KCTD8: variants seen among roughly 807,000 people sequenced by gnomAD.
The protein encoded by KCTD8 is potassium channel tetramerization domain containing 8.
In KCTD8, 27 loss-of-function variants were observed where a neutral mutation model predicts 31.5. That is an observed-to-expected ratio of 0.86 (90% CI 0.63 to 1.18). The LOEUF is 1.18. KCTD8 is among the 50% of genes most tolerant of loss of function. KCTD8 has a pLI of 0.00. For synonymous variants in KCTD8, 290 were observed against 280.0 expected, an observed-to-expected ratio of 1.04 and a Z score of -0.36; for missense variants, 658 against 647.7, an observed-to-expected ratio of 1.02 and a Z score of -0.17.
chr4:44,286,990 T>C (rs185371960), intron 1 of KCTD8, among the ~76,000 whole-genome samples: 1 of 152,270 alleles, frequency 6.6e-6, no homozygotes, highest in African/African-American at 2.4e-5. Context: ...GCAGATGGTG[T>C]TATTATTTAC....
intron 1 of KCTD8, among the ~76,000 whole-genome samples, chr4:44,353,131 T>C (rs1719256369): frequency 6.6e-6 from 1 of 152,090 alleles, no homozygotes; most frequent in African/African-American, 2.4e-5. Context: ...ATTTCTGCCC[T>C]TCTGGCCACA....
intron 1 of KCTD8, among the ~76,000 whole-genome samples, chr4:44,360,683 C>T (rs1460165662): frequency 1.3e-5 from 2 of 151,904 alleles, no homozygotes; most frequent in Admixed American, 1.3e-4. Flanking sequence ...TCAAGAGATG[C>T]TTTCTAAAAA....
At chr4:44,243,387 C>G (rs187038370) in intron 1 of KCTD8, among the ~76,000 whole-genome samples, 1 of 152,314 alleles carries the variant, frequency 6.6e-6, no homozygotes, top group Middle Eastern at 3.4e-3. Context: ...CACCAACTTA[C>G]AGTACACCAT....
chr4:44,310,659 G>A (rs192722054), intron 1 of KCTD8, among the ~76,000 whole-genome samples: 13 of 152,050 alleles, frequency 8.5e-5, no homozygotes, highest in Non-Finnish European at 1.0e-4. Context: ...GATCAGATTC[G>A]TGAGTAAACC....
chr4:44,410,716 C>T (rs904612432), intron 1 of KCTD8, among the ~76,000 whole-genome samples: 6 of 152,072 alleles, frequency 3.9e-5, no homozygotes, highest in African/African-American at 1.2e-4. Context: ...AGGAGGAAAA[C>T]TCCCCCTTAT....
intron 1 of KCTD8, among the ~76,000 whole-genome samples, chr4:44,341,926 C>T (rs1456107430): frequency 6.6e-6 from 1 of 152,138 alleles, no homozygotes; most frequent in East Asian, 1.9e-4. Context: ...GCAGCTATAG[C>T]CTTAGGAAAT....
intron 1 of KCTD8, among the ~76,000 whole-genome samples, chr4:44,238,116 G>A (rs1016153864): frequency 1.3e-5 from 2 of 151,792 alleles, no homozygotes; most frequent in African/African-American, 2.4e-5. Context: ...TATGCTCTTC[G>A]GTTACTCAAA....
intron 1 of KCTD8, among the ~76,000 whole-genome samples, chr4:44,385,163 T>C (rs545882291): frequency 7.9e-4 from 120 of 151,836 alleles, no homozygotes; most frequent in Non-Finnish European, 1.3e-3. Flanking sequence ...GTAGACACTT[T>C]AATGCAATGA....
intron 1 of KCTD8, among the ~76,000 whole-genome samples, chr4:44,321,812 A>G (rs1718303996): frequency 6.6e-6 from 1 of 152,048 alleles, no homozygotes; most frequent in Non-Finnish European, 1.5e-5. Flanking sequence ...CCTCCATGAG[A>G]TAAACTTTCC....
intron 1 of KCTD8, among the ~76,000 whole-genome samples, chr4:44,236,970 G>A (rs1020959086): frequency 1.1e-4 from 17 of 152,210 alleles, no homozygotes; most frequent in African/African-American, 3.9e-4. Flanking sequence ...ATGTGCCTTC[G>A]CCTTCCACCA....
chr4:44,386,671 T>G (rs879389123), intron 1 of KCTD8, among the ~76,000 whole-genome samples: 1 of 151,512 alleles, frequency 6.6e-6, no homozygotes, highest in African/African-American at 2.4e-5. Flanking sequence ...GTATAACCAC[T>G]AGGGAGAACA....
At chr4:44,271,962 C>G (rs538114143) in intron 1 of KCTD8, among the ~76,000 whole-genome samples, 1 of 151,952 alleles carries the variant, frequency 6.6e-6, no homozygotes, top group African/African-American at 2.4e-5. Flanking sequence ...GTCTCCCCAA[C>G]CAAGCTAGTC....
chr4:44,411,508 TA>T (rs1309348950), intron 1 of KCTD8, among the ~76,000 whole-genome samples: 5 of 152,088 alleles, frequency 3.3e-5, no homozygotes, highest in Admixed American at 3.3e-4. Flanking sequence ...TCACAATTTA[TA>T]AAAATGAATG....
At chr4:44,351,177 T>A (rs1296199544) in intron 1 of KCTD8, among the ~76,000 whole-genome samples, 1 of 152,128 alleles carries the variant, frequency 6.6e-6, no homozygotes, top group African/African-American at 2.4e-5. Flanking sequence ...TTTGTCTGGC[T>A]TCTTCCCTAG....
intron 1 of KCTD8, among the ~76,000 whole-genome samples, chr4:44,349,774 C>T (rs1441546274): frequency 6.6e-6 from 1 of 152,036 alleles, no homozygotes; most frequent in Non-Finnish European, 1.5e-5. Context: ...TGTATCAAGG[C>T]CTATATTAAA....
In KCTD8 at chr4:44,330,901, G is replaced by A. The variant is rs181577433; in HGVS notation, c.961+116662C>T. 7.9e-5 allele frequency among the ~76,000 whole-genome samples: 12 copies of A among 151,828 alleles called. No homozygotes were observed. The East Asian group carries it at 2.3e-3, about 29-fold the overall frequency. On this transcript the variant is annotated intron_variant, in intron 1 of 1. Transcript: ENST00000360029. ...TTGAGCCAGAGAAGAGGGGGTACTG[G>A]TACAAATGCAGTTTCCCAGAGAAGA...
intron 1 of KCTD8, among the ~76,000 whole-genome samples, chr4:44,217,233 C>T (rs1714674885): frequency 6.6e-6 from 1 of 152,034 alleles, no homozygotes; most frequent in African/African-American, 2.4e-5. Flanking sequence ...TCACACACCC[C>T]CAAAATCATT....
chr4:44,210,435 A>C (rs1008992909), intron 1 of KCTD8, among the ~76,000 whole-genome samples: 5 of 152,200 alleles, frequency 3.3e-5, no homozygotes, highest in African/African-American at 1.2e-4. Context: ...AGTCTAATCC[A>C]ATGAGGTTAT....
At chr4:44,336,662 C>T (rs553602456) in intron 1 of KCTD8, among the ~76,000 whole-genome samples, 64 of 151,838 alleles carry the variant, frequency 4.2e-4, no homozygotes, top group African/African-American at 1.4e-3. Context: ...TTTAAATGTC[C>T]GGGAAGATAA....
Sources: allele counts gnomAD v4.1 joint callset (sites outside exome capture counted in the v4.1 genomes callset), GRCh38; gene constraint gnomAD v4.1.1; transcripts MANE v1.5; gene names NCBI Gene and HGNC (gene_info 2026-07-23, HGNC 2026-07-21).